Variants in PCDH9 observed in about 807,000 individuals in gnomAD.
PCDH9 encodes protocadherin-9.
In PCDH9, 24 loss-of-function variants were observed where a neutral mutation model predicts 70.6. The observed-to-expected ratio is 0.34, with a 90% CI of 0.25 to 0.48. The LOEUF is 0.48. Ranked by LOEUF, PCDH9 falls within the 20% of genes least tolerant of loss-of-function variation. PCDH9 has a pLI of 0.99. For missense variants in PCDH9, 1,281 were observed against 1,503.6 expected, an observed-to-expected ratio of 0.85 and a Z score of 2.45; for synonymous variants, 562 against 558.5, an observed-to-expected ratio of 1.01 and a Z score of -0.09.
chr13:66,568,992 G>GTCTTT (rs2076694182), intron 4 of PCDH9, among the ~76,000 whole-genome samples: 1 of 80,706 alleles, frequency 1.2e-5, no homozygotes, highest in Non-Finnish European at 2.4e-5. Flanking sequence ...TTGGAAACAT[G>GTCTTT]TCTTTTTTTT....
At chr13:66,667,124 G>GA (rs896989364) in intron 3 of PCDH9, among the ~76,000 whole-genome samples, 12 of 151,782 alleles carry the variant, frequency 7.9e-5, no homozygotes, top group Admixed American at 5.3e-4. Context: ...GAAAGGGAAA[G>GA]AAAAAAAATC....
chr13:66,920,187 T>C (rs1461162190), intron 2 of PCDH9, among the ~76,000 whole-genome samples: 1 of 151,178 alleles, frequency 6.6e-6, no homozygotes, highest in African/African-American at 2.4e-5. Context: ...ACATGTACTT[T>C]TAACTTTTGC....
chr13:66,981,704 T>C (rs1402434504), intron 2 of PCDH9, among the ~76,000 whole-genome samples: 1 of 152,132 alleles, frequency 6.6e-6, no homozygotes, highest in African/African-American at 2.4e-5. Context: ...ATGCAACCTA[T>C]GTTTATACAC....
chr13:66,466,486 T>C (rs1958515763), intron 4 of PCDH9, among the ~76,000 whole-genome samples: 1 of 152,060 alleles, frequency 6.6e-6, no homozygotes, highest in Non-Finnish European at 1.5e-5. Context: ...ATTTGTTGCA[T>C]CTCCATGGCG....
intron 2 of PCDH9, among the ~76,000 whole-genome samples, chr13:66,994,196 C>G (rs530552473): frequency 6.6e-6 from 1 of 152,140 alleles, no homozygotes; most frequent in African/African-American, 2.4e-5. Context: ...ACTGGCGACT[C>G]TTGGTAACTC....
intron 4 of PCDH9, among the ~76,000 whole-genome samples, chr13:66,542,351 G>A (rs1960995503): frequency 6.6e-6 from 1 of 152,004 alleles, no homozygotes; most frequent in Non-Finnish European, 1.5e-5. Context: ...TCCAATCTTG[G>A]TGTTGTTATG....
At chr13:67,211,601 G>A (rs921393833) in intron 2 of PCDH9, 1 of 151,986 alleles carries the variant, frequency 6.6e-6, no homozygotes, top group Non-Finnish European at 1.5e-5. Context: ...TGTAATAGCC[G>A]AATTATGACA....
chr13:67,076,416 G>A (rs983507489), intron 2 of PCDH9, among the ~76,000 whole-genome samples: 2 of 152,244 alleles, frequency 1.3e-5, no homozygotes, highest in South Asian at 2.1e-4. Context: ...TAATAAAGCC[G>A]AAGAAGAAGT....
chr13:66,389,737 T>C (rs924271898), intron 4 of PCDH9, among the ~76,000 whole-genome samples: 30 of 152,214 alleles, frequency 2.0e-4, no homozygotes, highest in Admixed American at 1.3e-4. Flanking sequence ...AGAGCCATAT[T>C]GATCTGCTTT....
chr13:66,366,316 A>G (rs553985422), intron 4 of PCDH9, among the ~76,000 whole-genome samples: 15 of 152,160 alleles, frequency 9.9e-5, no homozygotes, highest in African/African-American at 3.6e-4. Context: ...AATTCTACTT[A>G]TGGAACACCT....
chr13:66,786,404 G>C (rs1317090507), intron 3 of PCDH9, among the ~76,000 whole-genome samples: 1 of 152,138 alleles, frequency 6.6e-6, no homozygotes, highest in African/African-American at 2.4e-5. Context: ...GGGAAAGCTT[G>C]CTTTTATGGA....
intron 4 of PCDH9, among the ~76,000 whole-genome samples, chr13:66,353,244 T>C (rs1430108059): frequency 6.6e-6 from 1 of 152,134 alleles, no homozygotes; most frequent in Non-Finnish European, 1.5e-5. Flanking sequence ...AATGATTCAC[T>C]GACACTGAAA....
intron 4 of PCDH9, among the ~76,000 whole-genome samples, chr13:66,623,703 C>T (rs953751580): frequency 1.3e-5 from 2 of 152,110 alleles, no homozygotes; most frequent in African/African-American, 4.8e-5. Flanking sequence ...CCTCCCAAAT[C>T]GCTGGAATTA....
At chr13:66,704,337 G>A (rs111245904) in intron 3 of PCDH9, among the ~76,000 whole-genome samples, 6 of 152,304 alleles carry the variant, frequency 3.9e-5, no homozygotes, top group African/African-American at 1.4e-4. Context: ...ATATGTGACA[G>A]ACAGTTTAGT....
intron 3 of PCDH9, among the ~76,000 whole-genome samples, chr13:66,775,028 A>AT (rs1466408379): frequency 1.3e-5 from 2 of 152,138 alleles, no homozygotes; most frequent in South Asian, 4.1e-4. Context: ...TTAAGTTCCC[A>AT]TTTTTTATGC....
At chr13:66,869,908 C>T (rs2081643997) in intron 3 of PCDH9, among the ~76,000 whole-genome samples, 1 of 152,072 alleles carries the variant, frequency 6.6e-6, no homozygotes, top group African/African-American at 2.4e-5. Context: ...AGAATGAGTC[C>T]ACAGAGAGCA....
chr13:66,664,194 C>T (rs866141770), intron 3 of PCDH9, among the ~76,000 whole-genome samples: 1 of 152,278 alleles, frequency 6.6e-6, no homozygotes. Context: ...AAATTCTCTT[C>T]TGAAAAATTT....
rs114574094 is a variant in PCDH9 at position 66,850,247 on chromosome 13, G to A, written c.3138+53257C>T. On this transcript the variant is annotated intron_variant, in intron 3 of 4. Transcript: ENST00000377865. ...AAAGTAAGTTCAATTGGCCAGTCAT[G>A]GTGGCTCACGCCTGTAATGCCAGCA... 4.6e-3 allele frequency among the ~76,000 whole-genome samples: 705 copies of A among 152,306 alleles called. 12 individuals carry two copies. The highest frequency in any genetic ancestry group is 0.016 in the African/African-American group (653 of 41,564).
intron 2 of PCDH9, chr13:67,202,679 G>A (rs1012201802): frequency 1.3e-5 from 2 of 152,132 alleles, no homozygotes; most frequent in African/African-American, 4.8e-5. Flanking sequence ...TCTATTTTTA[G>A]TGAGGGGCAT....
Sources: gnomAD v4.1 joint callset for allele counts (sites outside exome capture counted in the v4.1 genomes callset) on GRCh38, gnomAD v4.1.1 for gene constraint, MANE v1.5 for transcripts, NCBI Gene and HGNC (gene_info 2026-07-23, HGNC 2026-07-21) for gene names.